Variants in SDCCAG8 observed in about 807,000 individuals in gnomAD.
SDCCAG8 encodes the protein serologically defined colon cancer antigen 8.
In SDCCAG8, 74 loss-of-function variants were observed where a neutral mutation model predicts 101.8. The ratio of observed to expected loss-of-function variants is 0.73; its 90% confidence interval spans 0.60 to 0.88. The LOEUF (loss-of-function observed/expected upper bound fraction) is 0.88. SDCCAG8 is among the 40% of genes least tolerant of loss of function. The pLI is 0.00. For missense variants in SDCCAG8, 787 were observed against 822.6 expected (o/e 0.96, Z 0.53); for synonymous variants, 281 against 292.9 (o/e 0.96, Z 0.41).
At chr1:243,343,623 C>T (rs866579915) in intron 11 of SDCCAG8, among the ~76,000 whole-genome samples, 4 of 152,156 alleles carry the variant, frequency 2.6e-5, no homozygotes, top group African/African-American at 7.2e-5. Context: ...CAGTCTATGG[C>T]TTTTGCCAGA....
At chr1:243,467,713 A>G (rs1660422223) in intron 16 of SDCCAG8, among the ~76,000 whole-genome samples, 1 of 152,220 alleles carries the variant, frequency 6.6e-6, no homozygotes, top group African/African-American at 2.4e-5. Context: ...AATTTTAGTT[A>G]TGTTAAATCA....
intron 16 of SDCCAG8, 80 bp from the exon 17 acceptor site, chr1:243,488,934 C>T: frequency 6.2e-7 from 1 of 1,601,174 alleles, no homozygotes. Flanking sequence ...TCAGGGGCTT[C>T]CCTCAGATAC....
At chr1:243,361,363 TATC>T (rs1186517815) in intron 12 of SDCCAG8, among the ~76,000 whole-genome samples, 1 of 152,256 alleles carries the variant, frequency 6.6e-6, no homozygotes, top group African/African-American at 2.4e-5. Context: ...ATTTGTTTAT[TATC>T]ATCTTTCCTT....
At chr1:243,257,873 T>A (rs1342713569) in intron 1 of SDCCAG8, among the ~76,000 whole-genome samples, 1 of 152,194 alleles carries the variant, frequency 6.6e-6, no homozygotes, top group Non-Finnish European at 1.5e-5. Context: ...TTGGCAAAAA[T>A]TTTTTGTTTT....
chr1:243,422,475 TG>T (rs1378891734), intron 15 of SDCCAG8, among the ~76,000 whole-genome samples: 8 of 152,286 alleles, frequency 5.3e-5, no homozygotes, highest in African/African-American at 1.9e-4. Flanking sequence ...TACTTTATGG[TG>T]TTATAAATAT....
chr1:243,306,087 A>C lies in SDCCAG8; in HGVS notation c.740+1310A>C, dbSNP rs2072089113. ...GGTGACAGAGGGAGACTCCATCTAA[A>C]AAAAAAAAAAAAAAAAAAAACCGAG... is the stretch of plus-strand genomic sequence containing the variant. On this transcript the variant is annotated intron_variant, in intron 7 of 17. Coordinates refer to ENST00000366541, the MANE Select transcript of SDCCAG8 (RefSeq NM_006642.5). 3 of 73,948 alleles carry C rather than the reference A, an allele frequency of 4.1e-5. No homozygotes were observed. The South Asian group carries it at 2.1e-3, about 53-fold the overall frequency. 4.6% of individuals were successfully genotyped at this position (73,948 alleles called of 1,614,324 possible).
intron 16 of SDCCAG8, among the ~76,000 whole-genome samples, chr1:243,433,882 C>T (rs2081963826): frequency 6.6e-6 from 1 of 152,158 alleles, no homozygotes; most frequent in Non-Finnish European, 1.5e-5. Context: ...TTTTTATAAG[C>T]CAAAACAACT....
chr1:243,495,215 T>C (rs2148301180), intron 17 of SDCCAG8, among the ~76,000 whole-genome samples: 1 of 152,288 alleles, frequency 6.6e-6, no homozygotes, highest in Middle Eastern at 3.4e-3. Context: ...CCCGGCCTCA[T>C]GTGTGCTGGG....
intron 5 of SDCCAG8, among the ~76,000 whole-genome samples, chr1:243,286,842 C>T (rs894469973): frequency 6.6e-6 from 1 of 152,190 alleles, no homozygotes; most frequent in South Asian, 2.1e-4. Flanking sequence ...TGTTAGTCTT[C>T]CCATTTCCCT....
Position 243,293,094 on chromosome 1 carries a change from A to G in SDCCAG8, c.550A>G (p.Asn184Asp). Residue 184 changes from asparagine to aspartate, a missense_variant, in exon 6 of 18, where the codon AAC (asparagine) becomes GAC (aspartate). Coordinates refer to ENST00000366541, the MANE Select transcript of SDCCAG8 (RefSeq NM_006642.5). ...TTACTGGCACATTTTATTTTAGGGA[A>G]ACATGCACAATTCTTGGATTACAAC... ...REQTLLDASG[N>D]MHNSWITTGE... 1 of 1,614,144 alleles carries G rather than the reference A, an allele frequency of 6.2e-7. No homozygotes were observed. The highest frequency in any genetic ancestry group is 8.5e-7 in the Non-Finnish European group (1 of 1,179,992).
In SDCCAG8 at chr1:243,256,213, C is replaced by G; in HGVS notation, c.40C>G (p.Leu14Val). ...GGAGAACTCTACCCTGGAGGAGATT[C>G]TGGGGCAGTATCAACGGAGTCTCCG... is the stretch of plus-strand genomic sequence containing the variant. Reference protein sequence around the residue: ...SPENSTLEEILGQYQRSLREH... With the variant: ...SPENSTLEEIVGQYQRSLREH... Residue 14 changes from leucine to valine, a missense_variant, in exon 1 of 18, where the codon CTG becomes GTG. Transcript: ENST00000366541. The G allele has an allele frequency of 6.2e-7, 1 of 1,614,212 alleles. No individual in the cohort carries two copies.
At chr1:243,267,642 A>C in intron 1 of SDCCAG8, 1 of 724,944 alleles carries the variant, frequency 1.4e-6, no homozygotes, top group East Asian at 2.5e-5. Context: ...CTGTGGGCAC[A>C]ATGTAACACT....
intron 13 of SDCCAG8, among the ~76,000 whole-genome samples, chr1:243,385,408 T>G (rs1341276325): frequency 6.6e-6 from 1 of 151,802 alleles, no homozygotes; most frequent in Non-Finnish European, 1.5e-5. Flanking sequence ...AAGAAAAAAG[T>G]AAGAAAAAGA....
chr1:243,283,471 A>G (rs1202909612), intron 4 of SDCCAG8, among the ~76,000 whole-genome samples: 4 of 150,352 alleles, frequency 2.7e-5, no homozygotes, highest in African/African-American at 9.7e-5. Context: ...CAGTTCTTGT[A>G]TAATTTTTCT....
At chr1:243,499,730 A>AACTT in intron 17 of SDCCAG8, 26 bp from the exon 18 acceptor site, 12 of 1,589,886 alleles carry the variant, frequency 7.5e-6, no homozygotes, top group East Asian at 2.2e-5. Flanking sequence ...GAGCTATTGA[A>AACTT]ACTTACTTTT....
intron 12 of SDCCAG8, among the ~76,000 whole-genome samples, chr1:243,364,794 AAAACCAAACCTAAG>A (rs1251149351): frequency 6.6e-6 from 1 of 152,220 alleles, no homozygotes; most frequent in Non-Finnish European, 1.5e-5. Flanking sequence ...AATATTGACA[AAAACCAAACCTAAG>A]AAAATGCATT....
At chr1:243,497,740 A>G (rs989784259) in intron 17 of SDCCAG8, among the ~76,000 whole-genome samples, 2 of 152,112 alleles carry the variant, frequency 1.3e-5, no homozygotes, top group African/African-American at 4.8e-5. Flanking sequence ...TGTGTTCTCT[A>G]CCCAAAATTC....
At chr1:243,481,886 A>G (rs926809201) in intron 16 of SDCCAG8, among the ~76,000 whole-genome samples, 1 of 152,200 alleles carries the variant, frequency 6.6e-6, no homozygotes, top group South Asian at 2.1e-4. Context: ...AAAAACTCTC[A>G]TTGAAAAACA....
At chr1:243,307,185 C>A (rs1283231876) in intron 7 of SDCCAG8, among the ~76,000 whole-genome samples, 1 of 151,434 alleles carries the variant, frequency 6.6e-6, no homozygotes, top group East Asian at 1.9e-4. Context: ...GTCAATTAAT[C>A]CTTAAAAAGT....
Sources: gnomAD v4.1 joint callset for allele counts (sites outside exome capture counted in the v4.1 genomes callset) on GRCh38, gnomAD v4.1.1 for gene constraint, MANE v1.5 for transcripts, NCBI Gene and HGNC (gene_info 2026-07-23, HGNC 2026-07-21) for gene names.